Variants in STIM2 observed in about 807,000 individuals in gnomAD.
STIM2 encodes the protein stromal interaction molecule 2.
A neutral mutation model predicts 85.8 loss-of-function variants in STIM2; 31 were observed. The observed-to-expected ratio is 0.36, with a 90% CI of 0.27 to 0.49. The LOEUF is 0.49. Among genes scored for constraint, STIM2 ranks in the 20% least tolerant of loss-of-function variants. The pLI is 0.98. For missense variants in STIM2, 841 were observed against 927.6 expected, an observed-to-expected ratio of 0.91 and a Z score of 1.21; for synonymous variants, 356 against 331.1, an observed-to-expected ratio of 1.08 and a Z score of -0.82.
intron 1 of STIM2, among the ~76,000 whole-genome samples, chr4:26,868,887 G>T (rs1210666002): frequency 6.6e-6 from 1 of 151,950 alleles, no homozygotes; most frequent in East Asian, 1.9e-4. Flanking sequence ...ATTAATCCTC[G>T]CCGTTTCTTT....
chr4:27,018,092 T>A (rs1203940564), intron 11 of STIM2, 108 bp downstream of exon 11: 30 of 1,488,410 alleles, frequency 2.0e-5, no homozygotes, highest in Non-Finnish European at 2.6e-5. Context: ...TTGCTACATA[T>A]CAAGGTACCA....
chr4:27,010,931 C>G (rs1013312317), intron 10 of STIM2, among the ~76,000 whole-genome samples: 2 of 152,140 alleles, frequency 1.3e-5, no homozygotes, highest in African/African-American at 4.8e-5. Flanking sequence ...CTGCTAAATG[C>G]TTTCCTTGGT....
At chr4:26,972,015 G>A (rs1442019356) in intron 3 of STIM2, among the ~76,000 whole-genome samples, 1 of 152,144 alleles carries the variant, frequency 6.6e-6, no homozygotes, top group Non-Finnish European at 1.5e-5. Flanking sequence ...GTGAATGGGA[G>A]TTCACTCATG....
intron 3 of STIM2, among the ~76,000 whole-genome samples, chr4:26,991,347 G>A (rs1321544801): frequency 1.3e-5 from 2 of 152,054 alleles, no homozygotes; most frequent in Non-Finnish European, 2.9e-5. Context: ...AATATCACAC[G>A]TTCTTCCTCA....
chr4:26,896,849 C>T (rs1723729354), intron 1 of STIM2, among the ~76,000 whole-genome samples: 1 of 152,190 alleles, frequency 6.6e-6, no homozygotes, highest in Non-Finnish European at 1.5e-5. Flanking sequence ...AAGGAATTCC[C>T]TCATGCTTCC....
chr4:26,938,454 G>GT (rs951327200), intron 2 of STIM2, among the ~76,000 whole-genome samples: 7 of 152,038 alleles, frequency 4.6e-5, no homozygotes, highest in African/African-American at 1.7e-4. Context: ...GATCTTTTGT[G>GT]TTTTTACCAC....
intron 1 of STIM2, among the ~76,000 whole-genome samples, chr4:26,864,026 T>G (rs1722307988): frequency 6.6e-6 from 1 of 152,114 alleles, no homozygotes; most frequent in Admixed American, 6.5e-5. Context: ...ACTTTAAGAG[T>G]AAATTGCCTT....
chr4:26,875,195 A>G (rs1207160264), intron 1 of STIM2, among the ~76,000 whole-genome samples: 2 of 152,086 alleles, frequency 1.3e-5, no homozygotes, highest in Non-Finnish European at 2.9e-5. Flanking sequence ...TAAAATTAGA[A>G]CTCAGATCTA....
intron 3 of STIM2, among the ~76,000 whole-genome samples, chr4:26,962,656 G>A (rs1430166179): frequency 6.6e-6 from 1 of 151,514 alleles, no homozygotes; most frequent in Non-Finnish European, 1.5e-5. Flanking sequence ...GCACATGGCA[G>A]CTGTCTAATG....
rs1456395116 is a variant in STIM2, at chr4:26,899,675, G to C, written c.152-19829G>C. On this transcript the variant is annotated intron_variant, in intron 1 of 11. Coordinates refer to ENST00000467087, the MANE Select transcript of STIM2 (RefSeq NM_020860.4). ...CAGTCACTGATGAATACTTTTTCCT[G>C]AGTAGTTTGAATTGATCTGTTTTGT... Among the ~76,000 whole-genome samples the C allele has an allele frequency of 3.3e-5, 5 of 152,244 alleles. No homozygotes were observed. The South Asian group carries it at 6.2e-4, about 19-fold the overall frequency.
rs560901779 is a variant in STIM2 at position 26,954,659 on chromosome 4, T to C, written c.283-2953T>C. ...TTTTTAATAAAGTTTTTGAAAAGTC[T>C]GAACAATCAGAATTATATGCTTTTT... is the stretch of plus-strand genomic sequence containing the variant. On this transcript the variant is annotated intron_variant, in intron 2 of 11. Coordinates refer to ENST00000467087, the MANE Select transcript of STIM2 (RefSeq NM_020860.4). Among the ~76,000 whole-genome samples the C allele has an allele frequency of 2.0e-4, 29 of 148,504 alleles. 1 individual carries two copies. Among genetic ancestry groups the C allele is most frequent in the Non-Finnish European group, 3.7e-4 (25 of 67,270 alleles).
chr4:26,927,600 C>A, intron 2 of STIM2, among the ~76,000 whole-genome samples: 1 of 65,048 alleles, frequency 1.5e-5, no homozygotes, highest in African/African-American at 6.2e-5. Context: ...TTAGTGGGTG[C>A]AGCGCACCAG....
At chr4:26,884,092 T>A (rs146586066) in intron 1 of STIM2, among the ~76,000 whole-genome samples, 29 of 152,296 alleles carry the variant, frequency 1.9e-4, no homozygotes, top group Admixed American at 1.6e-3. Flanking sequence ...GAAAAGAAGG[T>A]GCTCACTGTA....
chr4:27,007,553 G>T lies in STIM2; in HGVS notation c.1002G>T (p.Lys334Asn). The stretch of plus-strand genomic sequence containing the variant: ...TCTAGGTTCGCATGGCTCTGAAAAA[G>T]GCCGAAAAAGAATTTGAACTGAGAA... The change falls in exon 8 of 12, where the codon AAG becomes AAT. Residue 334 changes from lysine to asparagine, a missense_variant. Lys to Asn is a moderately conservative substitution (Grantham distance 94). Coordinates refer to ENST00000467087, the MANE Select transcript of STIM2 (RefSeq NM_020860.4). 2 of 1,560,356 alleles carry T rather than the reference G, an allele frequency of 1.3e-6. No individual in the cohort carries two copies. Among genetic ancestry groups the T allele is most frequent in the Non-Finnish European group, 8.7e-7 (1 of 1,153,078 alleles).
chr4:26,889,139 A>ATT (rs1253576197), intron 1 of STIM2, among the ~76,000 whole-genome samples: 6 of 152,186 alleles, frequency 3.9e-5, no homozygotes, highest in African/African-American at 1.4e-4. Flanking sequence ...CCCCACTCTT[A>ATT]TTTCTCTCTC....
intron 1 of STIM2, among the ~76,000 whole-genome samples, chr4:26,894,573 CTAA>C (rs1166808547): frequency 6.6e-6 from 1 of 151,424 alleles, no homozygotes; most frequent in Non-Finnish European, 1.5e-5. Flanking sequence ...ATTTTCCCCA[CTAA>C]TCTGTGGTGC....
At chr4:26,914,713 A>G (rs938053187) in intron 1 of STIM2, among the ~76,000 whole-genome samples, 1 of 152,228 alleles carries the variant, frequency 6.6e-6, no homozygotes, top group African/African-American at 2.4e-5. Flanking sequence ...AATACAATGC[A>G]TGTTCCCAAT....
intron 3 of STIM2, among the ~76,000 whole-genome samples, chr4:26,972,900 T>C (rs1414169301): frequency 6.6e-6 from 1 of 152,214 alleles, no homozygotes; most frequent in East Asian, 1.9e-4. Flanking sequence ...GGCTATTAAT[T>C]ATTGCCTCAA....
chr4:27,008,509 C>T lies in STIM2; in HGVS notation c.1231C>T (p.His411Tyr), dbSNP rs927372951. 5.0e-6 allele frequency: 8 copies of T among 1,595,962 alleles called. No individual in the cohort carries two copies. The Admixed American group carries it at 6.9e-5, about 14-fold the overall frequency. Reference sequence around the variant, plus strand: ...CAGCTCCTCCCTAGATGAGGTAGACCACAAAATTCTGGAAGCAAAGTAAGA... The same window carrying T: ...CAGCTCCTCCCTAGATGAGGTAGACTACAAAATTCTGGAAGCAAAGTAAGA... The change falls in exon 9 of 12, where the codon CAC becomes TAC. Residue 411 changes from histidine (H) to tyrosine (Y), a missense_variant. Transcript: ENST00000467087.
Sources: gnomAD v4.1 joint callset for allele counts (sites outside exome capture counted in the v4.1 genomes callset) on GRCh38, gnomAD v4.1.1 for gene constraint, MANE v1.5 for transcripts, NCBI Gene and HGNC (gene_info 2026-07-23, HGNC 2026-07-21) for gene names.